Variants in CNOT2 observed in about 807,000 individuals in gnomAD.
The protein encoded by CNOT2 is CCR4-NOT transcription complex subunit 2.
In CNOT2, 7 loss-of-function variants were observed where a neutral mutation model predicts 72.1. That is an observed-to-expected ratio of 0.10 (90% CI 0.06 to 0.18). CNOT2 has a LOEUF of 0.18. CNOT2 is among the 10% of genes least tolerant of loss of function. The pLI, the probability that CNOT2 is intolerant of heterozygous loss-of-function variation, is 1.00. For synonymous variants in CNOT2, 196 were observed against 225.6 expected (o/e 0.87, Z 1.17); for missense variants, 345 against 660.3 (o/e 0.52, Z 5.23).
intron 1 of CNOT2, among the ~76,000 whole-genome samples, chr12:70,248,322 T>TA (rs976083797): frequency 1.3e-5 from 2 of 152,204 alleles, no homozygotes; most frequent in African/African-American, 4.8e-5. Context: ...AGATGTGTCT[T>TA]ATTGGAGGTC....
intron 1 of CNOT2, among the ~76,000 whole-genome samples, chr12:70,251,636 T>C (rs1361384813): frequency 1.3e-5 from 2 of 152,226 alleles, no homozygotes; most frequent in African/African-American, 4.8e-5. Flanking sequence ...AATTATAAGC[T>C]TAATGGTGTA....
intron 15 of CNOT2, among the ~76,000 whole-genome samples, chr12:70,352,010 C>A (rs1882931502): frequency 6.6e-6 from 1 of 152,060 alleles, no homozygotes; most frequent in African/African-American, 2.4e-5. Context: ...GGTGTACCTT[C>A]TTTATAAACT....
intron 1 of CNOT2, among the ~76,000 whole-genome samples, chr12:70,248,689 G>C (rs751022416): frequency 7.2e-5 from 11 of 152,052 alleles, no homozygotes; most frequent in African/African-American, 2.7e-4. Context: ...TTGCATTTTA[G>C]TAGATATGCT....
chr12:70,312,071 A>C (rs1182668723), intron 3 of CNOT2, among the ~76,000 whole-genome samples: 1 of 151,878 alleles, frequency 6.6e-6, no homozygotes, highest in African/African-American at 2.4e-5. Context: ...ACAAACTATC[A>C]ATGGCATTAT....
intron 15 of CNOT2, among the ~76,000 whole-genome samples, chr12:70,348,203 T>C (rs1489814533): frequency 1.3e-5 from 2 of 152,230 alleles, no homozygotes; most frequent in Admixed American, 1.3e-4. Flanking sequence ...TCATCGTTAT[T>C]ATAGCTACTG....
intron 2 of CNOT2, among the ~76,000 whole-genome samples, chr12:70,285,098 A>G (rs938761565): frequency 1.3e-5 from 2 of 152,258 alleles, no homozygotes; most frequent in African/African-American, 2.4e-5. Context: ...TGCCTTAATC[A>G]TGAATGTGAA....
intron 2 of CNOT2, among the ~76,000 whole-genome samples, chr12:70,293,094 T>A (rs142626116): frequency 6.6e-6 from 1 of 152,168 alleles, no homozygotes; most frequent in Non-Finnish European, 1.5e-5. Context: ...TATTTTTCTT[T>A]GAAAATAACT....
chr12:70,248,958 A>G (rs1958014961), intron 1 of CNOT2, among the ~76,000 whole-genome samples: 1 of 152,104 alleles, frequency 6.6e-6, no homozygotes, highest in South Asian at 2.1e-4. Context: ...GAGTGAGGGA[A>G]AATTATGTAT....
At chr12:70,306,979 A>G (rs1182403561) in intron 2 of CNOT2, among the ~76,000 whole-genome samples, 8 of 152,248 alleles carry the variant, frequency 5.3e-5, no homozygotes. Context: ...AAACATACCT[A>G]AACACAGAAA....
At chr12:70,244,912 T>C (rs573716872) in intron 1 of CNOT2, among the ~76,000 whole-genome samples, 1 of 152,352 alleles carries the variant, frequency 6.6e-6, no homozygotes, top group South Asian at 2.1e-4. Flanking sequence ...GATTTCCCTT[T>C]TGAAGCAATA....
chr12:70,306,700 A>G (rs1875461993), intron 2 of CNOT2, among the ~76,000 whole-genome samples: 1 of 152,214 alleles, frequency 6.6e-6, no homozygotes, highest in Non-Finnish European at 1.5e-5. Context: ...GTTTGCTTGA[A>G]TAAAGCTGAC....
At chr12:70,261,820 TGCC>T (rs1426956224) in intron 1 of CNOT2, among the ~76,000 whole-genome samples, 1 of 151,782 alleles carries the variant, frequency 6.6e-6, no homozygotes, top group Admixed American at 6.6e-5. Context: ...CCAGTGAAGC[TGCC>T]TGGGCCTGAG....
chr12:70,351,361 A>G (rs1217838717), intron 15 of CNOT2, among the ~76,000 whole-genome samples: 1 of 152,148 alleles, frequency 6.6e-6, no homozygotes, highest in Non-Finnish European at 1.5e-5. Flanking sequence ...ATGTGTGTGT[A>G]TATATAACAA....
intron 2 of CNOT2, among the ~76,000 whole-genome samples, chr12:70,307,105 G>T (rs556555698): frequency 1.8e-4 from 28 of 152,252 alleles, no homozygotes; most frequent in Non-Finnish European, 2.9e-4. Context: ...TTCAGTAAGT[G>T]GTGTGTGAAT....
chr12:70,294,540 G>C lies in CNOT2; in HGVS notation c.48+16266G>C, dbSNP rs971614736. On this transcript the variant is annotated intron_variant, in intron 2 of 15. Transcript: ENST00000229195. ...CTATTAATATTATAATGCAAAGGAA[G>C]GTTCTTACATTTTTTTAAACTTTAT... 2.0e-5 allele frequency among the ~76,000 whole-genome samples: 3 copies of C among 152,008 alleles called. No individual in the cohort carries two copies. The East Asian group carries it at 5.8e-4, about 29-fold the overall frequency.
At chr12:70,268,188 G>A (rs979108592) in intron 1 of CNOT2, among the ~76,000 whole-genome samples, 1 of 152,080 alleles carries the variant, frequency 6.6e-6, no homozygotes, top group African/African-American at 2.4e-5. Context: ...TCATCCGAAA[G>A]TGTCTTTATT....
chr12:70,271,404 G>C (rs1393590007), intron 1 of CNOT2, among the ~76,000 whole-genome samples: 1 of 137,522 alleles, frequency 7.3e-6, no homozygotes, highest in East Asian at 2.1e-4. Flanking sequence ...TTTTGAGACA[G>C]GGTTTCTTGC....
In CNOT2 at chr12:70,332,761, A is replaced by G. The variant is rs1398780753; in HGVS notation, c.570-6A>G. On this transcript the variant is annotated splice_region_variant and splice_polypyrimidine_tract_variant and intron_variant, in intron 6 of 15. Transcript: ENST00000229195. ...GTATATCTAAAACTATTTTCTATGT[A>G]CCCAGTATGTCTGGATTTGGAATGA... 1.9e-6 allele frequency: 3 copies of G among 1,598,802 alleles called. No homozygotes were observed. The highest frequency in any genetic ancestry group is 2.6e-6 in the Non-Finnish European group (3 of 1,173,862).
At chr12:70,308,090 AC>A (rs1235063102) in intron 2 of CNOT2, among the ~76,000 whole-genome samples, 1 of 152,004 alleles carries the variant, frequency 6.6e-6, no homozygotes, top group African/African-American at 2.4e-5. Context: ...CCTGAGCCAT[AC>A]CAGTGAGGGG....
Sources: allele counts gnomAD v4.1 joint callset (sites outside exome capture counted in the v4.1 genomes callset), GRCh38; gene constraint gnomAD v4.1.1; transcripts MANE v1.5; gene names NCBI Gene and HGNC (gene_info 2026-07-23, HGNC 2026-07-21).